Variants in DRD2 observed in about 807,000 individuals in gnomAD.
DRD2 encodes D(2) dopamine receptor.
In DRD2, 8 loss-of-function variants were observed where a neutral mutation model predicts 38.0. The observed-to-expected ratio is 0.21, with a 90% CI of 0.12 to 0.38. The LOEUF is 0.38. Ranked by LOEUF, DRD2 falls within the 10% of genes least tolerant of loss-of-function variation. DRD2 has a pLI of 1.00. For synonymous variants in DRD2, 230 were observed against 238.6 expected (o/e 0.96, Z 0.33); for missense variants, 403 against 607.7 (o/e 0.66, Z 3.54).
intron 1 of DRD2, among the ~76,000 whole-genome samples, chr11:113,431,947 G>GC (rs764244807): frequency 6.6e-6 from 1 of 152,180 alleles, no homozygotes; most frequent in Non-Finnish European, 1.5e-5. Context: ...CCACTGCACT[G>GC]CCCCCCAGGA....
At chr11:113,443,813 CA>C (rs1213887370) in intron 1 of DRD2, among the ~76,000 whole-genome samples, 1 of 151,902 alleles carries the variant, frequency 6.6e-6, no homozygotes, top group African/African-American at 2.4e-5. Flanking sequence ...TTGCTAAAAA[CA>C]AACAAACAAA....
chr11:113,467,049 G>C (rs1565680671), intron 1 of DRD2, among the ~76,000 whole-genome samples: 1 of 152,116 alleles, frequency 6.6e-6, no homozygotes, highest in Non-Finnish European at 1.5e-5. Context: ...CGTGGTGCGG[G>C]GGCAGGCGGT....
chr11:113,414,788 G>A (rs1487601317), intron 5 of DRD2, among the ~76,000 whole-genome samples: 1 of 152,194 alleles, frequency 6.6e-6, no homozygotes, highest in African/African-American at 2.4e-5. Flanking sequence ...TTTAACAGAT[G>A]AGGAAACAGG....
rs192119049 is a variant in DRD2, at chr11:113,430,572, G to C, written c.-31-5890C>G. Among the ~76,000 whole-genome samples the C allele has an allele frequency of 2.0e-5, 3 of 152,342 alleles. No individual in the cohort carries two copies. In the East Asian group the frequency reaches 5.8e-4, roughly 29 times the overall value. The stretch of plus-strand genomic sequence containing the variant: ...CCTGAGAAAACCTGCTGGTCCCCAG[G>C]CTTCCCTGCTGCAGCTCCAGCCCAT... On this transcript the variant is annotated intron_variant, in intron 1 of 7. Coordinates refer to ENST00000362072, the MANE Select transcript of DRD2 (RefSeq NM_000795.4).
intron 1 of DRD2, among the ~76,000 whole-genome samples, chr11:113,459,369 C>T (rs983179342): frequency 3.3e-4 from 51 of 152,244 alleles, no homozygotes; most frequent in African/African-American, 1.2e-3. Context: ...CAGAAAAGTG[C>T]GGGTGTTGTT....
At chr11:113,418,887 GC>G (rs1950854135) in intron 2 of DRD2, among the ~76,000 whole-genome samples, 1 of 152,188 alleles carries the variant, frequency 6.6e-6, no homozygotes, top group African/African-American at 2.4e-5. Context: ...ACCCAAGCCT[GC>G]TGCTTCCCCC....
At chr11:113,432,138 T>C (rs1238566849) in intron 1 of DRD2, among the ~76,000 whole-genome samples, 2 of 152,214 alleles carry the variant, frequency 1.3e-5, no homozygotes, top group Non-Finnish European at 2.9e-5. Context: ...TGACATTTTC[T>C]CTCAGGAGAA....
intron 2 of DRD2, among the ~76,000 whole-genome samples, chr11:113,419,615 G>A (rs1950865572): frequency 6.6e-6 from 1 of 152,076 alleles, no homozygotes; most frequent in Non-Finnish European, 1.5e-5. Context: ...CCTGAGGATG[G>A]AGTCAGGACA....
At chr11:113,464,301 C>A (rs760509669) in intron 1 of DRD2, among the ~76,000 whole-genome samples, 2 of 152,180 alleles carry the variant, frequency 1.3e-5, no homozygotes, top group African/African-American at 4.8e-5. Context: ...ACTTCCGCTG[C>A]GGCCCTTCCA....
At chr11:113,426,192 A>C (rs919922213) in intron 1 of DRD2, among the ~76,000 whole-genome samples, 7 of 151,926 alleles carry the variant, frequency 4.6e-5, no homozygotes, top group African/African-American at 1.7e-4. Flanking sequence ...GTGGGGCAAA[A>C]GTGGGTATGG....
At chr11:113,425,385 A>T (rs1116313) in intron 1 of DRD2, among the ~76,000 whole-genome samples, 1 of 151,960 alleles carries the variant, frequency 6.6e-6, no homozygotes, top group Admixed American at 6.6e-5. Context: ...AGAGGTAGAG[A>T]GGTAGACAGC....
chr11:113,474,562 C>G (rs897349757), intron 1 of DRD2: 2 of 152,342 alleles, frequency 1.3e-5, no homozygotes, highest in East Asian at 3.9e-4. Context: ...TGCCTCTCCC[C>G]CATCCTTAGC....
chr11:113,428,042 C>A (rs1950955581), intron 1 of DRD2, among the ~76,000 whole-genome samples: 1 of 152,130 alleles, frequency 6.6e-6, no homozygotes, highest in Non-Finnish European at 1.5e-5. Context: ...GCAAAATCAG[C>A]CCTGTTGACA....
intron 1 of DRD2, among the ~76,000 whole-genome samples, chr11:113,453,897 A>G (rs986108175): frequency 1.3e-5 from 2 of 152,234 alleles, no homozygotes; most frequent in Admixed American, 6.5e-5. Flanking sequence ...TTGAGCAATC[A>G]TTCTTATTAT....
intron 1 of DRD2, among the ~76,000 whole-genome samples, chr11:113,457,639 G>C (rs1354068709): frequency 6.6e-6 from 1 of 152,064 alleles, no homozygotes; most frequent in Non-Finnish European, 1.5e-5. Flanking sequence ...CTGGGACCCT[G>C]TTGACTATGA....
chr11:113,435,428 T>C (rs1234334937), intron 1 of DRD2, among the ~76,000 whole-genome samples: 1 of 151,786 alleles, frequency 6.6e-6, no homozygotes, highest in Non-Finnish European at 1.5e-5. Context: ...TCCTCACCGC[T>C]CCGATACTGT....
At chr11:113,437,130 T>C (rs1381047703) in intron 1 of DRD2, among the ~76,000 whole-genome samples, 1 of 152,170 alleles carries the variant, frequency 6.6e-6, no homozygotes, top group Non-Finnish European at 1.5e-5. Flanking sequence ...ACTGAGCACC[T>C]ATTGCAGGCC....
At chr11:113,437,666 G>A (rs1208276417) in intron 1 of DRD2, among the ~76,000 whole-genome samples, 2 of 152,158 alleles carry the variant, frequency 1.3e-5, no homozygotes, top group African/African-American at 4.8e-5. Flanking sequence ...GTGGAGCCAA[G>A]GAGCACAGGG....
At position 113,424,310 on chromosome 11, in the gene DRD2, T is replaced by G. The variant is rs1591280742; in HGVS notation, c.285+57A>C. On this transcript the variant is annotated intron_variant, in intron 2 of 7. Coordinates refer to ENST00000362072, the MANE Select transcript of DRD2 (RefSeq NM_000795.4). ...GCCAGTGGGGAGCTAGAGTCCCCAG[T>G]GTCCAGTGCAGGGCCCTGCTGGAGA... is the stretch of plus-strand genomic sequence containing the variant. 3.7e-5 allele frequency: 59 copies of G among 1,579,120 alleles called. No homozygotes were observed. The East Asian group carries it at 1.3e-3, about 36-fold the overall frequency.
Sources: allele counts gnomAD v4.1 joint callset (sites outside exome capture counted in the v4.1 genomes callset), GRCh38; gene constraint gnomAD v4.1.1; transcripts MANE v1.5; gene names NCBI Gene and HGNC (gene_info 2026-07-23, HGNC 2026-07-21).